The following KYNU variants were observed in gnomAD, a reference collection of about 807,000 sequenced individuals.
KYNU encodes L-kynurenine hydrolase.
Under a neutral mutation model 59.2 loss-of-function variants are expected in KYNU, and 54 were observed. The ratio of observed to expected loss-of-function variants is 0.91; its 90% CI spans 0.73 to 1.14. The LOEUF is 1.14. Ranked by LOEUF, KYNU falls within the 50% of genes most tolerant of loss-of-function variation. The probability of loss-of-function intolerance (pLI) is 0.00; values close to 1 mark genes in which losing one functional copy is unlikely to be tolerated. For synonymous variants in KYNU, 177 were observed against 192.0 expected, an observed-to-expected ratio of 0.92 and a Z score of 0.65; for missense variants, 567 against 554.4, an observed-to-expected ratio of 1.02 and a Z score of -0.23.
Position 142,908,495 on chromosome 2 carries a change from A to ATT in KYNU, c.170-10107_170-10106dup, listed in dbSNP as rs5834925. On this transcript the variant is annotated intron_variant, in intron 2 of 13. Transcript: ENST00000264170. ...GTTCATATAAGGAACTGGTTGTGGGATTTTTTTTAAAAAAAATATGCCTAT... is the reference window on the plus strand; with the variant it reads ...GTTCATATAAGGAACTGGTTGTGGGATTTTTTTTTTAAAAAAAATATGCCTAT... 1.7e-4 allele frequency among the ~76,000 whole-genome samples: 25 copies of ATT among 150,978 alleles called. 1 individual carries two copies. Among genetic ancestry groups the ATT allele is most frequent in the East Asian group, 3.9e-4 (2 of 5,144 alleles).
rs1199082076 is a variant in KYNU, at chr2:143,048,071, C to T, written c.*5899C>T. The stretch of plus-strand genomic sequence containing the variant: ...TGTTGGCTAGGCTGGTATCAAACTC[C>T]TGACTTCAGGTGATCCGCCCACTTT... On this transcript the variant is annotated 3_prime_UTR_variant, in exon 14 of 14. Transcript: ENST00000264170. 2 of 152,142 alleles carry T rather than the reference C, an allele frequency of 1.3e-5. No homozygotes were observed. Among genetic ancestry groups the T allele is most frequent in the Admixed American group, 6.5e-5 (1 of 15,270 alleles). The allele number at this position is 152,142 out of a possible 1,614,324, so 9.4% of individuals were successfully genotyped here.
chr2:142,937,139 A>C (rs1196220529), intron 4 of KYNU, among the ~76,000 whole-genome samples: 1 of 152,100 alleles, frequency 6.6e-6, no homozygotes, highest in Non-Finnish European at 1.5e-5. Flanking sequence ...GTGTCTTCCA[A>C]CCAGGGTAGC....
In KYNU at chr2:142,912,894, A is replaced by T. The variant is rs190525954; in HGVS notation, c.170-5715A>T. Among the ~76,000 whole-genome samples the T allele has an allele frequency of 6.6e-5, 10 of 150,424 alleles. No homozygotes were observed. The East Asian group carries it at 1.8e-3, about 27-fold the overall frequency. Reference sequence around the variant, plus strand: ...CTGGCTAATTTTTTTTTGTATTTTTAGTAGAGACAGGGTTTCACCATGTTA... The same window carrying T: ...CTGGCTAATTTTTTTTTGTATTTTTTGTAGAGACAGGGTTTCACCATGTTA... On this transcript the variant is annotated intron_variant, in intron 2 of 13. Coordinates refer to ENST00000264170, the MANE Select transcript of KYNU (RefSeq NM_003937.3).
intron 8 of KYNU, among the ~76,000 whole-genome samples, chr2:142,981,400 G>A (rs1310078197): frequency 6.6e-6 from 1 of 152,004 alleles, no homozygotes. Context: ...TTCAAATTTA[G>A]AATAATTAAC....
rs1325687554 is a variant in KYNU at position 143,051,027 on chromosome 2, C to G, written c.*8855C>G. 1 of 152,194 alleles carries G rather than the reference C, an allele frequency of 6.6e-6. No homozygotes were observed. Among genetic ancestry groups the G allele is most frequent in the Non-Finnish European group, 1.5e-5 (1 of 68,038 alleles). 9.4% of individuals were successfully genotyped at this position (152,194 alleles called of 1,614,324 possible). A position where few individuals can be genotyped will look rare whatever the true frequency, so the allele number is the denominator to read the frequency against. On this transcript the variant is annotated 3_prime_UTR_variant, in exon 14 of 14. Coordinates refer to ENST00000264170, the MANE Select transcript of KYNU (RefSeq NM_003937.3). ...GTGTGTATGATATGCTCTATGTTCT[C>G]TTCCCACTAATAATTTTATTTTTAA...
intron 10 of KYNU, among the ~76,000 whole-genome samples, chr2:142,993,226 G>A (rs114670778): frequency 2.1e-4 from 32 of 152,072 alleles, no homozygotes; most frequent in African/African-American, 7.2e-4. Context: ...TACTTAAATG[G>A]CATTTCTTAA....
At position 143,033,145 on chromosome 2, in the gene KYNU, G is replaced by C. The variant is rs151306026; in HGVS notation, c.956-91G>C. On this transcript the variant is annotated intron_variant, in intron 11 of 13. Coordinates refer to ENST00000264170, the MANE Select transcript of KYNU (RefSeq NM_003937.3). Reference sequence around the variant, plus strand: ...ATCCTACTTAGGAAGAAAAGTTTAAGTCTTGCTCTTTTACTCTCCAGTACT... The same window carrying C: ...ATCCTACTTAGGAAGAAAAGTTTAACTCTTGCTCTTTTACTCTCCAGTACT... The C allele has an allele frequency of 9.0e-6, 8 of 892,536 alleles. No homozygotes were observed. The Admixed American group carries it at 1.4e-4, about 15-fold the overall frequency. 55.3% of individuals were successfully genotyped at this position (892,536 alleles called of 1,614,324 possible). A position where few individuals can be genotyped will look rare whatever the true frequency, so the allele number is the denominator to read the frequency against.
chr2:142,933,759 GT>G lies in KYNU; in HGVS notation c.373+6022del, dbSNP rs1308548317. On this transcript the variant is annotated intron_variant, in intron 4 of 13. Transcript: ENST00000264170. ...TTAACACATTGAAGGAGAGTGGATG[GT>G]TTTAGGGATAGGGTACTGAGGTCAA... Among the ~76,000 whole-genome samples, 2 of 152,108 alleles carry G rather than the reference GT, an allele frequency of 1.3e-5. 1 individual carries two copies. The highest frequency in any genetic ancestry group is 3.9e-4 in the East Asian group (2 of 5,190).
In KYNU at chr2:142,956,218, C is replaced by A. The variant is rs754796046; in HGVS notation, c.451C>A (p.Pro151Thr). The A allele has an allele frequency of 3.8e-6, 6 of 1,593,542 alleles. No individual in the cohort carries two copies. The highest frequency in any genetic ancestry group is 2.2e-5 in the South Asian group (2 of 90,538). ...LHLLMLSFFK[P>T]TPKRYKILLE... ...TTTATTGCAGTTATCATTTTTTAAG[C>A]CTACGCCAAAACGATATAAAATTCT... is the stretch of plus-strand genomic sequence containing the variant. Residue 151 changes from proline (P) to threonine (T), a missense_variant, in exon 6 of 14, where the codon CCT becomes ACT. By Grantham distance (38) the Pro-to-Thr change is conservative. Coordinates refer to ENST00000264170, the MANE Select transcript of KYNU (RefSeq NM_003937.3).
chr2:142,975,883 T>G (rs1364623539), intron 8 of KYNU, among the ~76,000 whole-genome samples: 2 of 152,238 alleles, frequency 1.3e-5, no homozygotes, highest in Non-Finnish European at 2.9e-5. Context: ...TACTCATTTT[T>G]AATTCAATGA....
rs188499180 is a variant in KYNU, at chr2:142,938,825, T to A, written c.373+11084T>A. 7.7e-3 allele frequency among the ~76,000 whole-genome samples: 1,165 copies of A among 151,890 alleles called. 13 individuals are homozygous for A. Among genetic ancestry groups the A allele is most frequent in the African/African-American group, 0.027 (1,114 of 41,476 alleles). On this transcript the variant is annotated intron_variant, in intron 4 of 13. Transcript: ENST00000264170. ...ATATGTTAACCTATTAAATTTTTTT[T>A]AATAACTTTATAGGGGGCCAGGCAT...
intron 10 of KYNU, among the ~76,000 whole-genome samples, chr2:142,997,803 T>C (rs1040753633): frequency 2.0e-5 from 3 of 152,148 alleles, no homozygotes; most frequent in African/African-American, 7.2e-5. Context: ...AGTTAATGAA[T>C]GACATATTTA....
At chr2:143,035,272 CAAG>C (rs1686863408) in intron 12 of KYNU, among the ~76,000 whole-genome samples, 1 of 152,172 alleles carries the variant, frequency 6.6e-6, no homozygotes, top group African/African-American at 2.4e-5. Flanking sequence ...CTAAAAGCCA[CAAG>C]AAGAATGATA....
At chr2:142,943,760 C>G (rs544597586) in intron 4 of KYNU, among the ~76,000 whole-genome samples, 2 of 152,176 alleles carry the variant, frequency 1.3e-5, no homozygotes, top group Admixed American at 6.5e-5. Flanking sequence ...GCTATCCCCC[C>G]ACAGCTGCAG....
intron 2 of KYNU, 144 bp from the exon 3 acceptor site, chr2:142,918,465 C>A: frequency 1.1e-6 from 1 of 875,086 alleles, no homozygotes. Context: ...TTTTAGAGGA[C>A]CTGATGTCAT....
At chr2:142,886,370 A>T (rs2104909929) in intron 2 of KYNU, among the ~76,000 whole-genome samples, 1 of 152,334 alleles carries the variant, frequency 6.6e-6, no homozygotes, top group South Asian at 2.1e-4. Context: ...TGGTTTGTAT[A>T]ACACTAATAT....
intron 10 of KYNU, among the ~76,000 whole-genome samples, chr2:143,015,727 C>T (rs1045372772): frequency 1.3e-5 from 2 of 151,612 alleles, no homozygotes; most frequent in South Asian, 2.1e-4. Context: ...GATTTGTGAG[C>T]GTATAAATGA....
At chr2:142,904,909 T>C (rs1682232780) in intron 2 of KYNU, among the ~76,000 whole-genome samples, 1 of 152,186 alleles carries the variant, frequency 6.6e-6, no homozygotes, top group Admixed American at 6.5e-5. Flanking sequence ...TGGATTCTAG[T>C]GGTCCTTTAC....
chr2:143,002,115 G>A (rs537722657), intron 10 of KYNU, among the ~76,000 whole-genome samples: 1 of 152,246 alleles, frequency 6.6e-6, no homozygotes, highest in African/African-American at 2.4e-5. Flanking sequence ...GCTGGTTCAA[G>A]GTCCAGGTGC....
Sources: gnomAD v4.1 joint callset for allele counts (sites outside exome capture counted in the v4.1 genomes callset) on GRCh38, gnomAD v4.1.1 for gene constraint, MANE v1.5 for transcripts, NCBI Gene and HGNC (gene_info 2026-07-23, HGNC 2026-07-21) for gene names.